The following ADGRL3 variants were observed in gnomAD, a reference collection of about 807,000 sequenced individuals.
ADGRL3 encodes the protein adhesion G protein-coupled receptor L3.
Under a neutral mutation model 153.5 loss-of-function variants are expected in ADGRL3, and 62 were observed. That is an observed-to-expected ratio of 0.40 (90% CI 0.33 to 0.50). The LOEUF (loss-of-function observed/expected upper bound fraction) is 0.50. Among genes scored for constraint, ADGRL3 ranks in the 20% least tolerant of loss-of-function variants. ADGRL3 has a pLI of 0.47. For synonymous variants in ADGRL3, 710 were observed against 672.5 expected (o/e 1.06, Z -0.86); for missense variants, 1,641 against 1,859.4 (o/e 0.88, Z 2.16).
chr4:61,857,000 CTTTCTT>C (rs1235820629), intron 9 of ADGRL3, among the ~76,000 whole-genome samples: 4,159 of 126,766 alleles, frequency 0.033, 160 homozygotes, highest in African/African-American at 0.059. Flanking sequence ...TTCTTTCTTT[CTTTCTT>C]TCTTTCTTTC....
intron 9 of ADGRL3, among the ~76,000 whole-genome samples, chr4:61,879,015 T>C (rs1362853644): frequency 6.6e-6 from 1 of 152,230 alleles, no homozygotes; most frequent in Non-Finnish European, 1.5e-5. Flanking sequence ...GATTGTTATA[T>C]TCTTTATGCC....
chr4:61,684,502 C>A (rs1277364363), intron 6 of ADGRL3, among the ~76,000 whole-genome samples: 1 of 151,860 alleles, frequency 6.6e-6, no homozygotes, highest in East Asian at 1.9e-4. Context: ...AGTATTGTTA[C>A]CAAGGAAGAA....
intron 4 of ADGRL3, among the ~76,000 whole-genome samples, chr4:61,532,424 A>G (rs1031251694): frequency 5.3e-5 from 8 of 152,022 alleles, no homozygotes; most frequent in African/African-American, 1.9e-4. Context: ...CCCACTGTAG[A>G]GCTCTTTTCA....
chr4:61,551,518 C>T (rs527706040), intron 4 of ADGRL3, among the ~76,000 whole-genome samples: 72 of 152,232 alleles, frequency 4.7e-4, no homozygotes, highest in Non-Finnish European at 8.2e-4. Context: ...GCATTTTACT[C>T]ATATGAGGTA....
At chr4:61,358,577 A>C (rs373360965) in intron 1 of ADGRL3, among the ~76,000 whole-genome samples, 2 of 134,112 alleles carry the variant, frequency 1.5e-5, no homozygotes, top group Admixed American at 1.8e-4. Flanking sequence ...AGCCTGGGCG[A>C]CAGAGCGAGA....
At chr4:61,348,159 C>A (rs1206073574) in intron 1 of ADGRL3, among the ~76,000 whole-genome samples, 1 of 151,762 alleles carries the variant, frequency 6.6e-6, no homozygotes, top group African/African-American at 2.4e-5. Flanking sequence ...CAAATCAAAC[C>A]CCCAAACCCA....
intron 2 of ADGRL3, among the ~76,000 whole-genome samples, chr4:61,461,182 C>T (rs1291113580): frequency 1.3e-5 from 2 of 152,120 alleles, no homozygotes; most frequent in Non-Finnish European, 2.9e-5. Context: ...CTGGGTCCCT[C>T]CCACAATACG....
At chr4:61,836,791 C>T (rs1581071852) in intron 9 of ADGRL3, among the ~76,000 whole-genome samples, 2 of 151,892 alleles carry the variant, frequency 1.3e-5, no homozygotes, top group Non-Finnish European at 1.5e-5. Flanking sequence ...CCATTTATTC[C>T]GTCATGTAAA....
intron 5 of ADGRL3, among the ~76,000 whole-genome samples, chr4:61,635,277 G>A (rs6551636): frequency 0.64 from 97,432 of 151,902 alleles, 32,036 homozygotes; most frequent in Non-Finnish European, 0.74. Flanking sequence ...GCAATGGAGA[G>A]AACTGAGAGA....
chr4:61,792,559 G>T (rs549587582), intron 8 of ADGRL3, among the ~76,000 whole-genome samples: 38 of 150,730 alleles, frequency 2.5e-4, no homozygotes, highest in Non-Finnish European at 4.1e-4. Context: ...GCATGATCTC[G>T]GCTCACTGCA....
chr4:61,728,831 T>C (rs763987451), intron 6 of ADGRL3, among the ~76,000 whole-genome samples: 2 of 152,032 alleles, frequency 1.3e-5, no homozygotes, highest in African/African-American at 2.4e-5. Context: ...ATGCAATTTG[T>C]TAAGGTGCTT....
chr4:61,465,758 A>AATATATATATATATATATATATATAT (rs10701021), intron 2 of ADGRL3, among the ~76,000 whole-genome samples: 18 of 130,170 alleles, frequency 1.4e-4, no homozygotes, highest in South Asian at 5.0e-4. Context: ...ATTATATATA[A>AATATATATATATATATATATATATAT]ATATATATAT....
At chr4:61,275,653 G>A (rs1336995782) in intron 1 of ADGRL3, among the ~76,000 whole-genome samples, 2 of 152,112 alleles carry the variant, frequency 1.3e-5, no homozygotes, top group Non-Finnish European at 2.9e-5. Context: ...GTTTCAGTTT[G>A]GCATAGATGT....
At chr4:61,467,661 T>C (rs1421859735) in intron 2 of ADGRL3, among the ~76,000 whole-genome samples, 1 of 152,146 alleles carries the variant, frequency 6.6e-6, no homozygotes, top group Non-Finnish European at 1.5e-5. Context: ...AAAGTTTGTG[T>C]GAATATAGGT....
chr4:61,939,240 T>A lies in ADGRL3; in HGVS notation c.2419+3195T>A, dbSNP rs192712523. Among the ~76,000 whole-genome samples the A allele has an allele frequency of 3.2e-4, 49 of 152,254 alleles. No individual in the cohort carries two copies. In the East Asian group the frequency reaches 9.1e-3, roughly 28 times the overall value. On this transcript the variant is annotated intron_variant, in intron 15 of 26. Transcript: ENST00000683033. ...TTGTGTGTTTTCCTTAACATTGCAATTGAGAAATAATTTACATACACTAAA... is the reference window on the plus strand; with the variant it reads ...TTGTGTGTTTTCCTTAACATTGCAAATGAGAAATAATTTACATACACTAAA...
At chr4:62,038,207 A>G (rs1032043027) in intron 24 of ADGRL3, among the ~76,000 whole-genome samples, 12 of 152,290 alleles carry the variant, frequency 7.9e-5, no homozygotes, top group Admixed American at 6.5e-4. Flanking sequence ...TAATTCTTAT[A>G]ATTCTTCTAA....
intron 6 of ADGRL3, among the ~76,000 whole-genome samples, chr4:61,727,818 T>C (rs2151753775): frequency 6.6e-6 from 1 of 152,264 alleles, no homozygotes; most frequent in African/African-American, 2.4e-5. Context: ...TGAATGCAGA[T>C]TCTATTTCAC....
chr4:62,069,409 AT>A (rs1744684652), intron 26 of ADGRL3, among the ~76,000 whole-genome samples: 1 of 152,118 alleles, frequency 6.6e-6, no homozygotes. Context: ...AGAAAAAAAA[AT>A]TAGAAAGTAA....
intron 2 of ADGRL3, among the ~76,000 whole-genome samples, chr4:61,491,078 A>G (rs2098252920): frequency 6.6e-6 from 1 of 152,104 alleles, no homozygotes; most frequent in South Asian, 2.1e-4. Context: ...CCTGTGTTAT[A>G]TTCAGGGAAT....
Sources: allele counts gnomAD v4.1 joint callset (sites outside exome capture counted in the v4.1 genomes callset), GRCh38; gene constraint gnomAD v4.1.1; transcripts MANE v1.5; gene names NCBI Gene and HGNC (gene_info 2026-07-23, HGNC 2026-07-21).